Variants in SGCD observed in about 807,000 individuals in gnomAD.
SGCD encodes delta-sarcoglycan.
In SGCD, 18 loss-of-function variants were observed where a neutral mutation model predicts 36.6. That is an observed-to-expected ratio of 0.49 (90% CI 0.34 to 0.73). The LOEUF (loss-of-function observed/expected upper bound fraction) is 0.73, where lower values mean the gene tolerates loss of function less well. Ranked by LOEUF, SGCD falls within the 30% of genes least tolerant of loss-of-function variation. The pLI is 0.01. For missense variants in SGCD, 387 were observed against 346.7 expected, an observed-to-expected ratio of 1.12 and a Z score of -0.92; for synonymous variants, 133 against 130.6, an observed-to-expected ratio of 1.02 and a Z score of -0.12.
At chr5:156,405,006 A>T (rs1222492047) in intron 3 of SGCD, among the ~76,000 whole-genome samples, 1 of 152,242 alleles carries the variant, frequency 6.6e-6, no homozygotes, top group African/African-American at 2.4e-5. Flanking sequence ...TGAGTTAATC[A>T]AAAGGGAGAT....
the SGCD span, among the ~76,000 whole-genome samples, chr5:155,862,511 T>G: frequency 2.0e-5 from 3 of 152,118 alleles, no homozygotes; most frequent in Non-Finnish European, 4.4e-5. Flanking sequence ...TTTTATTTTA[T>G]TTTTTTGTAG....
intron 4 of SGCD, among the ~76,000 whole-genome samples, chr5:156,584,730 A>C (rs1214133077): frequency 6.6e-6 from 1 of 152,158 alleles, no homozygotes; most frequent in Admixed American, 6.6e-5. Context: ...GAAGTGAACA[A>C]ATATTTGCTG....
intron 3 of SGCD, among the ~76,000 whole-genome samples, chr5:156,130,683 T>C (rs1331845438): frequency 6.6e-6 from 1 of 152,196 alleles, no homozygotes; most frequent in East Asian, 1.9e-4. Flanking sequence ...ACAGTGGTTG[T>C]TAAATAAATG....
the SGCD span, among the ~76,000 whole-genome samples, chr5:155,761,630 C>G: frequency 6.8e-6 from 1 of 146,536 alleles, no homozygotes; most frequent in Non-Finnish European, 1.5e-5. Flanking sequence ...TCATCACTCT[C>G]TCCATCATCA....
intron 7 of SGCD, among the ~76,000 whole-genome samples, chr5:156,713,321 C>T (rs978564472): frequency 6.0e-5 from 9 of 151,072 alleles, no homozygotes; most frequent in South Asian, 2.1e-4. Context: ...TAGTTATACA[C>T]GAAGAGTGAG....
At chr5:155,797,249 T>C in the SGCD span, among the ~76,000 whole-genome samples, 1 of 152,206 alleles carries the variant, frequency 6.6e-6, no homozygotes, top group South Asian at 2.1e-4. Flanking sequence ...ACCAATGATA[T>C]TTTTCAAACA....
chr5:155,736,803 A>G, the SGCD span, among the ~76,000 whole-genome samples: 2 of 152,150 alleles, frequency 1.3e-5, no homozygotes, highest in Admixed American at 6.5e-5. Context: ...TTCTCATCTC[A>G]TATTTCCAGT....
chr5:156,171,292 A>G (rs1453298969), intron 3 of SGCD, among the ~76,000 whole-genome samples: 1 of 152,244 alleles, frequency 6.6e-6, no homozygotes, highest in Non-Finnish European at 1.5e-5. Flanking sequence ...ACGCAAGCTT[A>G]TGACACTCAC....
chr5:156,594,892 C>T lies in SGCD; in HGVS notation c.383-40C>T, dbSNP rs551882107. The T allele has an allele frequency of 2.7e-5, 36 of 1,344,356 alleles. 1 individual carries two copies. The African/African-American group carries it at 3.6e-4, about 13-fold the overall frequency. The allele number at this position is 1,344,356 out of a possible 1,614,324, so 83.3% of individuals were successfully genotyped here. On this transcript the variant is annotated intron_variant, in intron 5 of 8. Transcript: ENST00000337851. Reference sequence around the variant, plus strand: ...ATGGTGTTTTCTCTCTCTCTCTCTCCTCTCTCCTCTCTATCTCTCTATCTC... The same window carrying T: ...ATGGTGTTTTCTCTCTCTCTCTCTCTTCTCTCCTCTCTATCTCTCTATCTC...
intron 3 of SGCD, among the ~76,000 whole-genome samples, chr5:156,314,653 T>C (rs1767468372): frequency 6.6e-6 from 1 of 151,908 alleles, no homozygotes; most frequent in Non-Finnish European, 1.5e-5. Context: ...TCAGATAAAC[T>C]AAGTGACAAC....
chr5:156,228,730 A>G lies in SGCD; in HGVS notation c.-43-100804A>G, dbSNP rs12332419. On this transcript the variant is annotated intron_variant, in intron 3 of 9. Coordinates refer to the SGCD transcript ENST00000517913. ...TTTTTGTTTTTGTTTTTTAAATTCTATTTTTTGTTTCATAGATTCGGTGAG... is the reference window on the plus strand; with the variant it reads ...TTTTTGTTTTTGTTTTTTAAATTCTGTTTTTTGTTTCATAGATTCGGTGAG... Among the ~76,000 whole-genome samples, 1,268 of 147,972 alleles carry G rather than the reference A, an allele frequency of 8.6e-3. 22 individuals carry two copies. The highest frequency in any genetic ancestry group is 0.032 in the African/African-American group (1,211 of 37,900).
chr5:155,734,824 G>C, the SGCD span, among the ~76,000 whole-genome samples: 1 of 152,166 alleles, frequency 6.6e-6, no homozygotes, highest in African/African-American at 2.4e-5. Context: ...ACTCCCATCT[G>C]TTTATAAGGT....
At chr5:156,273,479 G>A (rs1398046611) in intron 3 of SGCD, among the ~76,000 whole-genome samples, 1 of 152,142 alleles carries the variant, frequency 6.6e-6, no homozygotes, top group East Asian at 1.9e-4. Flanking sequence ...CTCTCCCTTT[G>A]GATCAATAGA....
chr5:156,071,330 A>G (rs530321770), intron 1 of SGCD, among the ~76,000 whole-genome samples: 52 of 152,136 alleles, frequency 3.4e-4, no homozygotes, highest in African/African-American at 1.0e-3. Context: ...GGTATGTTGT[A>G]TCTTTGTTCT....
intron 5 of SGCD, among the ~76,000 whole-genome samples, chr5:156,593,767 G>A (rs1760818790): frequency 6.6e-6 from 1 of 152,152 alleles, no homozygotes; most frequent in African/African-American, 2.4e-5. Flanking sequence ...AACAACAGGT[G>A]TGTTCCTAGT....
chr5:156,693,873 G>T (rs1196412902), intron 7 of SGCD, among the ~76,000 whole-genome samples: 1 of 152,100 alleles, frequency 6.6e-6, no homozygotes, highest in Non-Finnish European at 1.5e-5. Flanking sequence ...CCTTTTACAT[G>T]GTAAGAATCG....
At chr5:156,078,394 T>G (rs951257929) in intron 1 of SGCD, among the ~76,000 whole-genome samples, 1 of 151,140 alleles carries the variant, frequency 6.6e-6, no homozygotes, top group Non-Finnish European at 1.5e-5. Context: ...TCACCTGTAA[T>G]CCCAGCTACT....
intron 3 of SGCD, among the ~76,000 whole-genome samples, chr5:156,397,969 C>T (rs1340994444): frequency 6.6e-6 from 1 of 152,140 alleles, no homozygotes; most frequent in Non-Finnish European, 1.5e-5. Flanking sequence ...ACATAGGGCC[C>T]TTTGCTTCTG....
chr5:156,239,165 C>T lies in SGCD; in HGVS notation c.-43-90369C>T, dbSNP rs145196090. On this transcript the variant is annotated intron_variant, in intron 3 of 9. Transcript: ENST00000517913. ...CTGTAATCCCAGCACTTTGGGAGGC[C>T]GAGGTGGATGGATCACTTGAGGTCA... Among the ~76,000 whole-genome samples the T allele has an allele frequency of 1.4e-3, 209 of 151,936 alleles. 1 individual carries two copies. Among genetic ancestry groups the T allele is most frequent in the Non-Finnish European group, 2.5e-3 (168 of 67,972 alleles).
Sources: allele counts gnomAD v4.1 joint callset (sites outside exome capture counted in the v4.1 genomes callset), GRCh38; gene constraint gnomAD v4.1.1; transcripts MANE v1.5; gene names NCBI Gene and HGNC (gene_info 2026-07-23, HGNC 2026-07-21).